The following PDE4DIP variants were observed in gnomAD, a reference collection of about 807,000 sequenced individuals.
PDE4DIP encodes myomegalin.
A neutral mutation model predicts 221.4 loss-of-function variants in PDE4DIP; 59 were observed. The observed-to-expected ratio is 0.27, with a 90% CI of 0.22 to 0.33. The LOEUF is 0.33. PDE4DIP is among the 10% of genes least tolerant of loss of function. The pLI, the probability that PDE4DIP is intolerant of heterozygous loss-of-function variation, is 1.00. For synonymous variants in PDE4DIP, 404 were observed against 815.9 expected (o/e 0.50, Z 8.60); for missense variants, 1,036 against 2,154.2 (o/e 0.48, Z 10.28).
chr1:148,961,589 T>C (rs2056946169), intron 6 of PDE4DIP, among the ~76,000 whole-genome samples: 1 of 152,254 alleles, frequency 6.6e-6, no homozygotes, highest in African/African-American at 2.4e-5. Context: ...CTAGTATGGC[T>C]GCCATCATAG....
chr1:149,019,896 A>G (rs1373841044), intron 35 of PDE4DIP, among the ~76,000 whole-genome samples: 1 of 152,102 alleles, frequency 6.6e-6, no homozygotes, highest in African/African-American at 2.4e-5. Flanking sequence ...AGTGGTGATC[A>G]TTAGAAAGCA....
chr1:148,986,506 T>C (rs1205629101), intron 21 of PDE4DIP: 1 of 152,156 alleles, frequency 6.6e-6, no homozygotes, highest in Non-Finnish European at 1.5e-5. Context: ...AAGATATTTA[T>C]AAAAAAAGTA....
chr1:148,970,091 A>G (rs2058931721), intron 14 of PDE4DIP, among the ~76,000 whole-genome samples: 1 of 151,484 alleles, frequency 6.6e-6, no homozygotes, highest in African/African-American at 2.4e-5. Flanking sequence ...TGCATTTCAG[A>G]TACCAGTAGC....
Position 148,892,557 on chromosome 1 carries a change from C to T in PDE4DIP, c.141+2663C>T, listed in dbSNP as rs1428414124. ...CTCTAGTATTGCCATGGGTCCCATA[C>T]AGGAAGTAGATATGGCCCTGTCTCT... On this transcript the variant is annotated intron_variant, in intron 1 of 43. Transcript: ENST00000369354. Among the ~76,000 whole-genome samples, 7 of 121,108 alleles carry T rather than the reference C, an allele frequency of 5.8e-5. 1 individual carries two copies. The highest frequency in any genetic ancestry group is 2.1e-4 in the African/African-American group (6 of 29,252). 79.5% of individuals were successfully genotyped at this position (121,108 alleles called of 152,430 possible). A position where few individuals can be genotyped will look rare whatever the true frequency, so the allele number is the denominator to read the frequency against.
chr1:148,877,260 G>A (rs1691851516), intron 3 of PDE4DIP, among the ~76,000 whole-genome samples: 1 of 149,288 alleles, frequency 6.7e-6, no homozygotes, highest in Admixed American at 6.6e-5. Context: ...CATTTTTGAG[G>A]GAGAAAAGAT....
intron 1 of PDE4DIP, among the ~76,000 whole-genome samples, chr1:148,905,134 C>G (rs1366686131): frequency 7.4e-6 from 1 of 134,834 alleles, no homozygotes; most frequent in African/African-American, 2.8e-5. Context: ...CTGATTTAAG[C>G]TAGGAGGGTT....
At chr1:148,884,918 A>G, upstream of PDE4DIP, among the ~76,000 whole-genome samples, 1 of 147,670 alleles carries the variant, frequency 6.8e-6, no homozygotes, top group Non-Finnish European at 1.5e-5. Context: ...GAGGAATGCT[A>G]CTAGGTATGC....
intron 4 of PDE4DIP, among the ~76,000 whole-genome samples, chr1:148,935,245 C>T (rs1553474134): frequency 1.3e-5 from 2 of 151,142 alleles, no homozygotes; most frequent in South Asian, 2.1e-4. Context: ...GGAAACATTT[C>T]ATTTAGTACC....
chr1:148,976,132 T>C (rs1281536760), intron 17 of PDE4DIP, among the ~76,000 whole-genome samples: 1 of 152,234 alleles, frequency 6.6e-6, no homozygotes, highest in Non-Finnish European at 1.5e-5. Context: ...TTCTCACATT[T>C]ATCAAATCCA....
At chr1:148,903,062 A>G (rs1433764072) in intron 1 of PDE4DIP, among the ~76,000 whole-genome samples, 1 of 152,156 alleles carries the variant, frequency 6.6e-6, no homozygotes, top group Non-Finnish European at 1.5e-5. Context: ...ATCCACATCC[A>G]TATCTACTAT....
exon 44 of PDE4DIP, chr1:149,032,648 A>G (rs1164618011): frequency 1.3e-5 from 3 of 230,182 alleles, no homozygotes; most frequent in African/African-American, 2.2e-5. Flanking sequence ...CTTTTCTTCT[A>G]TGATATCCAA....
chr1:148,981,629 C>T, intron 21 of PDE4DIP: 1 of 491,698 alleles, frequency 2.0e-6, no homozygotes. Flanking sequence ...ACATATCAAT[C>T]CCTAAATTGA....
At chr1:148,846,441 C>T (rs1364204939) in intron 1 of PDE4DIP, among the ~76,000 whole-genome samples, 3 of 27,066 alleles carry the variant, frequency 1.1e-4, no homozygotes, top group Admixed American at 3.5e-4. Context: ...CGAAACTCCG[C>T]CTCAAAAAAA....
intron 14 of PDE4DIP, among the ~76,000 whole-genome samples, chr1:148,971,067 G>A (rs1393391874): frequency 6.6e-6 from 1 of 151,990 alleles, no homozygotes; most frequent in Non-Finnish European, 1.5e-5. Context: ...CAGACTTCCT[G>A]TGCATTAATA....
chr1:148,989,971 A>T (rs1343985856), intron 21 of PDE4DIP, among the ~76,000 whole-genome samples: 1 of 152,180 alleles, frequency 6.6e-6, no homozygotes, highest in African/African-American at 2.4e-5. Context: ...AGTATTGGAA[A>T]TAACTCTTGT....
intron 29 of PDE4DIP, 58 bp downstream of exon 32, chr1:149,008,553 TG>T: frequency 3.9e-6 from 1 of 253,528 alleles, no homozygotes; most frequent in Non-Finnish European, 6.5e-6. Flanking sequence ...GGGTCAAGGG[TG>T]GCGGCAACTC....
intron 33 of PDE4DIP, among the ~76,000 whole-genome samples, chr1:149,016,838 C>A (rs1465541371): frequency 2.6e-5 from 4 of 152,296 alleles, no homozygotes; most frequent in African/African-American, 9.6e-5. Flanking sequence ...TTGCAGCCCA[C>A]TCTCTTAGAC....
At chr1:148,962,923 C>T (rs1424332353) in intron 9 of PDE4DIP, among the ~76,000 whole-genome samples, 4 of 152,232 alleles carry the variant, frequency 2.6e-5, no homozygotes, top group Non-Finnish European at 5.9e-5. Flanking sequence ...GACAGAGTCT[C>T]GCTCTGTCGC....
At chr1:149,015,942 C>T (rs1326500957) in intron 32 of PDE4DIP, among the ~76,000 whole-genome samples, 1 of 149,102 alleles carries the variant, frequency 6.7e-6, no homozygotes, top group African/African-American at 2.5e-5. Context: ...TTCCACTGCA[C>T]TCACAACTTC....
Sources: allele counts gnomAD v4.1 joint callset (sites outside exome capture counted in the v4.1 genomes callset), GRCh38; gene constraint gnomAD v4.1.1; transcripts MANE v1.5; gene names NCBI Gene and HGNC (gene_info 2026-07-23, HGNC 2026-07-21).